The following CAMTA1 variants were observed in gnomAD, a reference collection of about 807,000 sequenced individuals.
The protein encoded by CAMTA1 is calmodulin-binding transcription activator 1.
In CAMTA1, 27 loss-of-function variants were observed where a neutral mutation model predicts 170.9. The observed-to-expected ratio is 0.16, with a 90% confidence interval of 0.12 to 0.22. The LOEUF (loss-of-function observed/expected upper bound fraction) is 0.22. CAMTA1 is among the 10% of genes least tolerant of loss of function. The probability of loss-of-function intolerance (pLI) is 1.00; values close to 1 mark genes in which losing one functional copy is unlikely to be tolerated. For missense variants in CAMTA1, 1,619 were observed against 2,217.2 expected (o/e 0.73, Z 5.42); for synonymous variants, 833 against 891.5 (o/e 0.93, Z 1.17).
chr1:7,122,370 A>ATGGAGACAGC (rs894042430), intron 4 of CAMTA1, among the ~76,000 whole-genome samples: 13 of 152,078 alleles, frequency 8.5e-5, no homozygotes, highest in Non-Finnish European at 2.9e-5. Flanking sequence ...GGAGGAAGAA[A>ATGGAGACAGC]TGGAGACAGC....
chr1:7,502,583 G>A (rs994520739), intron 6 of CAMTA1, among the ~76,000 whole-genome samples: 1 of 152,092 alleles, frequency 6.6e-6, no homozygotes, highest in East Asian at 1.9e-4. Context: ...TTCAGCCCCC[G>A]GCTTTCCCAA....
chr1:6,949,915 A>G lies in CAMTA1; in HGVS notation c.234+124705A>G, dbSNP rs138611487. 3.5e-3 allele frequency among the ~76,000 whole-genome samples: 536 copies of G among 152,356 alleles called. 2 individuals carry two copies. Among genetic ancestry groups the G allele is most frequent in the Non-Finnish European group, 6.0e-3 (408 of 68,034 alleles). On this transcript the variant is annotated intron_variant, in intron 3 of 22. Transcript: ENST00000303635. Reference sequence around the variant, plus strand: ...CCTCCGGGATGCTGGCTGCATCCCCATGGGACAGGAAAAGGCACTGAGACT... The same window carrying G: ...CCTCCGGGATGCTGGCTGCATCCCCGTGGGACAGGAAAAGGCACTGAGACT...
intron 4 of CAMTA1, among the ~76,000 whole-genome samples, chr1:7,200,573 T>G (rs896230208): frequency 6.6e-6 from 1 of 152,230 alleles, no homozygotes; most frequent in African/African-American, 2.4e-5. Context: ...CGGACATTTT[T>G]GACGAGTACA....
chr1:7,068,110 C>T (rs1162037972), intron 3 of CAMTA1, among the ~76,000 whole-genome samples: 2 of 152,146 alleles, frequency 1.3e-5, no homozygotes, highest in Admixed American at 6.5e-5. Flanking sequence ...CATTTTCCTT[C>T]TTCTTTAAGG....
Position 7,443,088 on chromosome 1 carries a change from C to T in CAMTA1, c.439-24742C>T, listed in dbSNP as rs1221812465. 6.6e-6 allele frequency among the ~76,000 whole-genome samples: 1 copy of T among 152,206 alleles called. No individual in the cohort carries two copies. The highest frequency in any genetic ancestry group is 1.5e-5 in the Non-Finnish European group (1 of 68,046). On this transcript the variant is annotated intron_variant, in intron 5 of 22. Transcript: ENST00000303635. The surrounding 1 kb of genome is among the most constrained non-coding windows in gnomAD (Gnocchi z 4.1). ...CCTGACTTCTTGGCCTCATTCACTC[C>T]AACAGAACTGTCCCTCCCAGCTCAA... is the stretch of plus-strand genomic sequence containing the variant.
At chr1:7,627,872 G>T (rs2095643739) in intron 6 of CAMTA1, among the ~76,000 whole-genome samples, 1 of 152,340 alleles carries the variant, frequency 6.6e-6, no homozygotes, top group Non-Finnish European at 1.5e-5. Flanking sequence ...GAGCATACAG[G>T]TCTGAAGAAA....
chr1:7,133,635 G>C (rs1042287560), intron 4 of CAMTA1, among the ~76,000 whole-genome samples: 1 of 152,132 alleles, frequency 6.6e-6, no homozygotes, highest in African/African-American at 2.4e-5. Context: ...AAGGTGGGAA[G>C]GTAAATCCAA....
intron 3 of CAMTA1, among the ~76,000 whole-genome samples, chr1:6,878,556 G>A (rs1670584482): frequency 6.6e-6 from 1 of 152,238 alleles, no homozygotes; most frequent in African/African-American, 2.4e-5. Context: ...CCATGTCACA[G>A]TGACCTTAAT....
intron 16 of CAMTA1, among the ~76,000 whole-genome samples, chr1:7,740,391 A>G (rs1209032020): frequency 5.3e-5 from 8 of 152,218 alleles, no homozygotes; most frequent in African/African-American, 1.9e-4. Context: ...GCCTGCCATC[A>G]TTTGCCAAAT....
chr1:6,846,709 A>G (rs1658313232), intron 3 of CAMTA1, among the ~76,000 whole-genome samples: 1 of 152,212 alleles, frequency 6.6e-6, no homozygotes, highest in East Asian at 1.9e-4. Context: ...AATTCTTGCT[A>G]AAACTAGGCT....
chr1:7,456,990 C>T lies in CAMTA1; in HGVS notation c.439-10840C>T, dbSNP rs979225578. ...CCAGCAGAGTTCGGCGCCGCCCTCC[C>T]GTTCCTCCTCCCTCCCATTCTTCCT... On this transcript the variant is annotated intron_variant, in intron 5 of 22. Coordinates refer to ENST00000303635, the MANE Select transcript of CAMTA1 (RefSeq NM_015215.4). This position sits in a 1 kb window ranked among gnomAD's most constrained non-coding sequence, Gnocchi z 4.9. 6.6e-5 allele frequency among the ~76,000 whole-genome samples: 10 copies of T among 150,770 alleles called. No individual in the cohort carries two copies. The highest frequency in any genetic ancestry group is 1.5e-4 in the Non-Finnish European group (10 of 67,728).
intron 4 of CAMTA1, among the ~76,000 whole-genome samples, chr1:7,191,583 T>A (rs1654528748): frequency 6.6e-6 from 1 of 152,236 alleles, no homozygotes; most frequent in Non-Finnish European, 1.5e-5. Flanking sequence ...TTAAAACTGT[T>A]AAATTAATAA....
chr1:6,821,602 A>G (rs1405534917), intron 2 of CAMTA1, among the ~76,000 whole-genome samples: 4 of 152,156 alleles, frequency 2.6e-5, no homozygotes, highest in Non-Finnish European at 5.9e-5. Flanking sequence ...ATTAATCGTA[A>G]TCAACTTGAA....
chr1:6,880,944 A>C (rs1671392650), intron 3 of CAMTA1, among the ~76,000 whole-genome samples: 1 of 152,188 alleles, frequency 6.6e-6, no homozygotes, highest in Non-Finnish European at 1.5e-5. Flanking sequence ...ATAAACAAAA[A>C]CAAAAATAAA....
intron 3 of CAMTA1, among the ~76,000 whole-genome samples, chr1:6,832,668 T>C (rs1448529483): frequency 1.3e-5 from 2 of 152,188 alleles, no homozygotes. Flanking sequence ...TTTGATGGCG[T>C]GGAAAGTCAG....
intron 1 of CAMTA1, among the ~76,000 whole-genome samples, chr1:6,798,786 C>T (rs185722463): frequency 0.095 from 11,667 of 123,248 alleles, 93 homozygotes; most frequent in East Asian, 0.14. Flanking sequence ...TTAGTAGAGA[C>T]GGGGTTTCAC....
chr1:6,912,968 G>T (rs147908309), intron 3 of CAMTA1, among the ~76,000 whole-genome samples: 1 of 152,342 alleles, frequency 6.6e-6, no homozygotes, highest in East Asian at 1.9e-4. Flanking sequence ...AGCGCCCAGC[G>T]TGGAGTTATT....
intron 11 of CAMTA1, among the ~76,000 whole-genome samples, chr1:7,712,911 T>G (rs2096581828): frequency 6.6e-6 from 1 of 152,080 alleles, no homozygotes; most frequent in Non-Finnish European, 1.5e-5. Flanking sequence ...CCATCAGATC[T>G]CATGAGTCTT....
chr1:7,455,224 C>T lies in CAMTA1; in HGVS notation c.439-12606C>T, dbSNP rs2092922332. 6.6e-6 allele frequency among the ~76,000 whole-genome samples: 1 copy of T among 152,150 alleles called. No homozygotes were observed. The highest frequency in any genetic ancestry group is 2.1e-4 in the South Asian group (1 of 4,822). Reference sequence around the variant, plus strand: ...CTTCTCTAGTGCAGGAGCCGCGGCTCGGCATGGTTCTGCGTGTGTGTTTCC... The same window carrying T: ...CTTCTCTAGTGCAGGAGCCGCGGCTTGGCATGGTTCTGCGTGTGTGTTTCC... On this transcript the variant is annotated intron_variant, in intron 5 of 22. Transcript: ENST00000303635. This position sits in a 1 kb window ranked among gnomAD's most constrained non-coding sequence, Gnocchi z 5.0.
Sources: allele counts gnomAD v4.1 joint callset (sites outside exome capture counted in the v4.1 genomes callset), GRCh38; gene constraint gnomAD v4.1.1; non-coding constraint Gnocchi (gnomAD v3.1); transcripts MANE v1.5; gene names NCBI Gene and HGNC (gene_info 2026-07-23, HGNC 2026-07-21).